The following ANO3 variants were observed in gnomAD, a reference collection of about 807,000 sequenced individuals.
ANO3 encodes the protein anoctamin 3.
In ANO3, 99 loss-of-function variants were observed where a neutral mutation model predicts 144.8. The ratio of observed to expected loss-of-function variants is 0.68; its 90% confidence interval spans 0.58 to 0.81. ANO3 has a LOEUF of 0.81. Among genes scored for constraint, ANO3 ranks in the 30% least tolerant of loss-of-function variants. The probability of loss-of-function intolerance (pLI) is 0.00; values close to 1 mark genes in which losing one functional copy is unlikely to be tolerated. For missense variants in ANO3, 905 were observed against 1,202.2 expected (o/e 0.75, Z 3.66); for synonymous variants, 414 against 392.6 (o/e 1.05, Z -0.64).
In ANO3 at chr11:26,461,247, C is replaced by A. The variant is rs546517663; in HGVS notation, c.314-1783C>A. ...CAATGGTAGGGTTTTGGTAGCTGCT[C>A]CAAGAATATAACTCCAAAATTTCAG... is the stretch of plus-strand genomic sequence containing the variant. On this transcript the variant is annotated intron_variant, in intron 3 of 26. Coordinates refer to ENST00000256737, the MANE Select transcript of ANO3 (RefSeq NM_031418.4). 2.0e-5 allele frequency among the ~76,000 whole-genome samples: 3 copies of A among 152,204 alleles called. No individual in the cohort carries two copies. The East Asian group carries it at 5.8e-4, about 30-fold the overall frequency.
intron 4 of ANO3, among the ~76,000 whole-genome samples, chr11:26,477,887 G>T (rs1474995716): frequency 6.6e-6 from 1 of 152,086 alleles, no homozygotes. Context: ...ACAATTGAGA[G>T]ATTAACAGAT....
At chr11:26,325,988 TC>T (rs1759168601) in intron 1 of ANO3, among the ~76,000 whole-genome samples, 1 of 151,792 alleles carries the variant, frequency 6.6e-6, no homozygotes, top group Non-Finnish European at 1.5e-5. Flanking sequence ...TGATCTAGAA[TC>T]CCAAAGCAAT....
chr11:26,457,312 C>G (rs1159653485), intron 3 of ANO3, among the ~76,000 whole-genome samples: 2 of 127,726 alleles, frequency 1.6e-5, no homozygotes, highest in Non-Finnish European at 3.3e-5. Context: ...AGAAAGAAAA[C>G]AAATAAAAAT....
chr11:26,550,693 C>T (rs1424624189), intron 12 of ANO3, among the ~76,000 whole-genome samples: 3 of 151,874 alleles, frequency 2.0e-5, no homozygotes, highest in Non-Finnish European at 4.4e-5. Context: ...TGGATTGTTT[C>T]CAAATATTGG....
intron 4 of ANO3, chr11:26,473,885 G>A: frequency 1.0e-6 from 1 of 953,388 alleles, no homozygotes. Flanking sequence ...ATAAAGAGAT[G>A]AGTTATCTTT....
intron 3 of ANO3, among the ~76,000 whole-genome samples, chr11:26,453,454 A>C (rs1272495611): frequency 6.6e-6 from 1 of 152,164 alleles, no homozygotes; most frequent in Non-Finnish European, 1.5e-5. Context: ...AACAGGCTTT[A>C]AACCAACAAA....
chr11:26,255,118 A>C (rs529372762), intron 1 of ANO3, among the ~76,000 whole-genome samples: 39 of 152,162 alleles, frequency 2.6e-4, no homozygotes, highest in Non-Finnish European at 4.3e-4. Context: ...GGAGTTTTGC[A>C]TCTCTTTCTA....
intron 17 of ANO3, among the ~76,000 whole-genome samples, chr11:26,602,619 G>A (rs1289634458): frequency 1.3e-4 from 18 of 144,000 alleles, no homozygotes; most frequent in African/African-American, 4.3e-4. Flanking sequence ...AAGTGTGGTG[G>A]TGCACACCTG....
intron 14 of ANO3, among the ~76,000 whole-genome samples, chr11:26,573,232 G>C (rs1850895517): frequency 6.6e-6 from 1 of 152,112 alleles, no homozygotes; most frequent in Admixed American, 6.6e-5. Context: ...CAGTTAATTG[G>C]CCCGAGGAAA....
rs117164838 is a variant in ANO3, at chr11:26,614,815, T to C, written c.1837-9647T>C. Among the ~76,000 whole-genome samples the C allele has an allele frequency of 3.5e-3, 526 of 152,250 alleles. 5 individuals are homozygous for C. The highest frequency in any genetic ancestry group is 6.0e-3 in the Non-Finnish European group (407 of 68,000). On this transcript the variant is annotated intron_variant, in intron 17 of 26. Coordinates refer to ENST00000256737, the MANE Select transcript of ANO3 (RefSeq NM_031418.4). ...TGTCTTCCTCTCTCTCTCTATGGTA[T>C]CCTTGGTGTCTGTACTCCACATAAA...
Position 26,451,382 on chromosome 11 carries a change from G to A in ANO3, c.313+7546G>A, listed in dbSNP as rs57819686. 6.4e-3 allele frequency among the ~76,000 whole-genome samples: 971 copies of A among 152,308 alleles called. 10 individuals carry two copies. The highest frequency in any genetic ancestry group is 0.022 in the African/African-American group (920 of 41,566). On this transcript the variant is annotated intron_variant, in intron 3 of 26. Coordinates refer to ENST00000256737, the MANE Select transcript of ANO3 (RefSeq NM_031418.4). ...CTGGAAAATCGGGTCACTCCCACCC[G>A]AATACTGCGCTTTTCCGACGGGCTT... is the stretch of plus-strand genomic sequence containing the variant.
intron 4 of ANO3, among the ~76,000 whole-genome samples, chr11:26,488,949 G>GT (rs1411878978): frequency 6.6e-6 from 1 of 152,110 alleles, no homozygotes; most frequent in African/African-American, 2.4e-5. Flanking sequence ...TGATTGGTAT[G>GT]TTTTTACAGA....
chr11:26,366,378 T>C (rs890771926), intron 1 of ANO3, among the ~76,000 whole-genome samples: 6 of 152,216 alleles, frequency 3.9e-5, no homozygotes, highest in Non-Finnish European at 1.5e-5. Context: ...CCACATTTTC[T>C]TAATCTAGTC....
intron 4 of ANO3, among the ~76,000 whole-genome samples, chr11:26,479,269 C>T (rs569274330): frequency 6.6e-6 from 1 of 152,110 alleles, no homozygotes; most frequent in Non-Finnish European, 1.5e-5. Context: ...TCATTTAGAA[C>T]TGAAAGAGTC....
chr11:26,393,940 C>T (rs1004519528), intron 1 of ANO3, among the ~76,000 whole-genome samples: 2 of 152,172 alleles, frequency 1.3e-5, no homozygotes, highest in Non-Finnish European at 2.9e-5. Context: ...ACATTCAAGT[C>T]AATCTACGGA....
chr11:26,366,825 GT>G (rs1856101431), intron 1 of ANO3, among the ~76,000 whole-genome samples: 1 of 138,332 alleles, frequency 7.2e-6, no homozygotes, highest in Admixed American at 6.9e-5. Flanking sequence ...TGATGGGGTT[GT>G]TTGTTTTTTT....
In ANO3 at chr11:26,247,525, G is replaced by A. The variant is rs189104024; in HGVS notation, c.154+58195G>A. Among the ~76,000 whole-genome samples, 10 of 152,224 alleles carry A rather than the reference G, an allele frequency of 6.6e-5. No homozygotes were observed. The East Asian group carries it at 1.7e-3, about 26-fold the overall frequency. On this transcript the variant is annotated intron_variant, in intron 1 of 27. Transcript: ENST00000672621. The stretch of plus-strand genomic sequence containing the variant: ...TAGAATTATGAGTAATTTTGGTTTT[G>A]TTAGTCAGAGAAACCAGAAGACAGG...
intron 1 of ANO3, among the ~76,000 whole-genome samples, chr11:26,377,473 A>G (rs1490546055): frequency 6.6e-6 from 1 of 152,118 alleles, no homozygotes; most frequent in African/African-American, 2.4e-5. Context: ...TGAAGAGACC[A>G]ATGAGCTGGA....
chr11:26,625,608 A>AT (rs1045401201), intron 18 of ANO3, among the ~76,000 whole-genome samples: 5 of 151,870 alleles, frequency 3.3e-5, no homozygotes, highest in Non-Finnish European at 7.4e-5. Context: ...TTTTTTGCTT[A>AT]TTTTTTTACA....
Sources: allele counts gnomAD v4.1 joint callset (sites outside exome capture counted in the v4.1 genomes callset), GRCh38; gene constraint gnomAD v4.1.1; transcripts MANE v1.5; gene names NCBI Gene and HGNC (gene_info 2026-07-23, HGNC 2026-07-21).